Variants in APBA2 observed in about 807,000 individuals in gnomAD.
APBA2 encodes the protein amyloid beta precursor protein binding family A member 2.
A neutral mutation model predicts 75.0 loss-of-function variants in APBA2; 30 were observed. That is an observed-to-expected ratio of 0.40 (90% CI 0.30 to 0.54). The LOEUF (loss-of-function observed/expected upper bound fraction) is 0.54. Among genes scored for constraint, APBA2 ranks in the 20% least tolerant of loss-of-function variants. APBA2 has a pLI of 0.49. For missense variants in APBA2, 801 were observed against 1,016.1 expected (o/e 0.79, Z 2.88); for synonymous variants, 444 against 409.6 (o/e 1.08, Z -1.01).
intron 2 of APBA2, among the ~76,000 whole-genome samples, chr15:28,946,824 C>T (rs2035577351): frequency 6.6e-6 from 1 of 152,206 alleles, no homozygotes; most frequent in Admixed American, 6.5e-5. Flanking sequence ...AGGGATCCAC[C>T]TGCCTCAGCC....
At chr15:28,978,318 G>A (rs898060209) in intron 2 of APBA2, among the ~76,000 whole-genome samples, 19 of 152,210 alleles carry the variant, frequency 1.2e-4, no homozygotes, top group African/African-American at 4.3e-4. Flanking sequence ...ACACAGCAGC[G>A]TTTGCCTTCA....
intron 2 of APBA2, among the ~76,000 whole-genome samples, chr15:28,926,849 C>T (rs116627697): frequency 0.022 from 2,931 of 136,146 alleles, 116 homozygotes; most frequent in African/African-American, 0.091. Context: ...TCCACTCTCT[C>T]TCTCTCTCTT....
At chr15:28,969,076 G>C (rs1490299617) in intron 2 of APBA2, among the ~76,000 whole-genome samples, 1 of 152,054 alleles carries the variant, frequency 6.6e-6, no homozygotes, top group Non-Finnish European at 1.5e-5. Context: ...TTAGAGATCA[G>C]TCTGCGCAAC....
chr15:29,003,989 G>C (rs1446015301), intron 3 of APBA2, among the ~76,000 whole-genome samples: 1 of 152,186 alleles, frequency 6.6e-6, no homozygotes, highest in African/African-American at 2.4e-5. Flanking sequence ...TTGATAACAC[G>C]TGGGGGCTCC....
At chr15:29,090,856 C>T (rs1022263240) in intron 6 of APBA2, among the ~76,000 whole-genome samples, 2 of 152,128 alleles carry the variant, frequency 1.3e-5, no homozygotes, top group African/African-American at 4.8e-5. Context: ...GCCTTCCCAG[C>T]CCCACAGCCA....
chr15:28,903,298 T>A (rs1266021769), intron 1 of APBA2, among the ~76,000 whole-genome samples: 1 of 152,160 alleles, frequency 6.6e-6, no homozygotes, highest in African/African-American at 2.4e-5. Flanking sequence ...TAGACGATAG[T>A]GACCAAAGCT....
rs2044130739 is a variant in APBA2 at position 29,101,665 on chromosome 15, C to T, written c.1405C>T (p.Leu469=). ...YIADIGNIVV[L]MARRRMPRSA... The stretch of plus-strand genomic sequence containing the variant: ...CGCCGACATTGGGAACATTGTAGTG[C>T]TGATGGCCAGACGCCGCATGCCCCG... The change falls in exon 10 of 15, where the codon CTG becomes TTG. Residue 469 remains leucine (L), a synonymous_variant. Transcript: ENST00000683413. 6.2e-7 allele frequency: 1 copy of T among 1,613,744 alleles called. No homozygotes were observed. The highest frequency in any genetic ancestry group is 1.1e-5 in the South Asian group (1 of 91,070).
chr15:29,077,084 G>A (rs2042883604), intron 6 of APBA2, among the ~76,000 whole-genome samples: 1 of 152,208 alleles, frequency 6.6e-6, no homozygotes, highest in African/African-American at 2.4e-5. Context: ...ATGCAATTGA[G>A]ATAGACTTGG....
chr15:28,962,878 T>C (rs1220161684), intron 2 of APBA2, among the ~76,000 whole-genome samples: 1 of 152,250 alleles, frequency 6.6e-6, no homozygotes, highest in Admixed American at 6.5e-5. Context: ...CTTTAACCGC[T>C]TCCTGGACAA....
chr15:28,913,034 A>C (rs1470856549), intron 1 of APBA2, among the ~76,000 whole-genome samples: 1 of 152,236 alleles, frequency 6.6e-6, no homozygotes, highest in Non-Finnish European at 1.5e-5. Flanking sequence ...ACGCATCTGC[A>C]CTATCTGGGA....
At chr15:29,116,176 T>C (rs1038371122) in intron 14 of APBA2, among the ~76,000 whole-genome samples, 3 of 152,154 alleles carry the variant, frequency 2.0e-5, no homozygotes, top group African/African-American at 7.2e-5. Context: ...GAGGCCTTGC[T>C]TGTATACCCA....
At chr15:29,023,047 CACCTTGCTAA>C (rs1444269890) in intron 3 of APBA2, among the ~76,000 whole-genome samples, 3 of 152,130 alleles carry the variant, frequency 2.0e-5, no homozygotes, top group Non-Finnish European at 2.9e-5. Flanking sequence ...CATACCTGGC[CACCTTGCTAA>C]ACCTTTTTCT....
At chr15:28,998,118 C>G (rs768744353) in intron 3 of APBA2, among the ~76,000 whole-genome samples, 2 of 151,936 alleles carry the variant, frequency 1.3e-5, no homozygotes, top group Non-Finnish European at 2.9e-5. Context: ...TGTGATGTGC[C>G]TGATGTCTTT....
chr15:28,910,637 C>CCCA lies in APBA2; in HGVS notation c.-204-11000_-204-10998dup, dbSNP rs935890749. Among the ~76,000 whole-genome samples, 110 of 152,128 alleles carry CCCA rather than the reference C, an allele frequency of 7.2e-4. 2 individuals carry two copies. The highest frequency in any genetic ancestry group is 9.2e-4 in the Admixed American group (14 of 15,270). The stretch of plus-strand genomic sequence containing the variant: ...CCTGGGTTAGTTGGGAAAGAGAGCT[C>CCCA]CCACCGTTCTCTTTTAACCCTTGTC... On this transcript the variant is annotated intron_variant, in intron 1 of 14. Coordinates refer to ENST00000683413, the MANE Select transcript of APBA2 (RefSeq NM_001353788.2).
intron 6 of APBA2, among the ~76,000 whole-genome samples, chr15:29,091,343 C>T (rs945135937): frequency 1.3e-5 from 2 of 152,054 alleles, no homozygotes; most frequent in Non-Finnish European, 2.9e-5. Flanking sequence ...GGCACGCAGA[C>T]CCACTACTGC....
intron 6 of APBA2, among the ~76,000 whole-genome samples, chr15:29,084,489 T>G (rs1314449835): frequency 6.6e-6 from 1 of 152,244 alleles, no homozygotes; most frequent in Non-Finnish European, 1.5e-5. Context: ...AAAGCAAATC[T>G]CAGATCTTAC....
At chr15:28,921,225 A>G (rs1343056416) in intron 1 of APBA2, among the ~76,000 whole-genome samples, 10 of 152,222 alleles carry the variant, frequency 6.6e-5, no homozygotes, top group Admixed American at 6.5e-4. Context: ...ATTTCCTGTC[A>G]GAGCAAATGA....
Position 28,903,608 on chromosome 15 carries a change from C to T in APBA2, c.-205+17330C>T, listed in dbSNP as rs577338279. On this transcript the variant is annotated intron_variant, in intron 1 of 14. Coordinates refer to ENST00000683413, the MANE Select transcript of APBA2 (RefSeq NM_001353788.2). ...CAGTCCTGTAAATGGGCGGGGACCC[C>T]GTGGTCTTGTGGAGTCAGCAGGGAC... Among the ~76,000 whole-genome samples the T allele has an allele frequency of 1.3e-3, 203 of 152,304 alleles. 1 individual carries two copies. Among genetic ancestry groups the T allele is most frequent in the African/African-American group, 4.8e-3 (199 of 41,562 alleles).
chr15:29,074,851 C>T (rs1275938141), intron 4 of APBA2, 70 bp from the exon 5 acceptor site: 1 of 1,405,250 alleles, frequency 7.1e-7, no homozygotes, highest in Non-Finnish European at 1.0e-6. Context: ...TATCACATTG[C>T]ATATTCAGGT....
Sources: allele counts gnomAD v4.1 joint callset (sites outside exome capture counted in the v4.1 genomes callset), GRCh38; gene constraint gnomAD v4.1.1; transcripts MANE v1.5; gene names NCBI Gene and HGNC (gene_info 2026-07-23, HGNC 2026-07-21).